Variants in FAM120B observed in about 807,000 individuals in gnomAD.
FAM120B encodes family with sequence similarity 120 member B, also known as constitutive coactivator of peroxisome proliferator-activated receptor gamma.
FAM120B carries 83 observed loss-of-function variants against 96.3 expected under a neutral mutation model. The ratio of observed to expected loss-of-function variants is 0.86; its 90% CI spans 0.72 to 1.03. The LOEUF is 1.03. FAM120B is among the 50% of genes least tolerant of loss of function. The pLI is 0.00. For missense variants in FAM120B, 1,027 were observed against 1,121.2 expected (o/e 0.92, Z 1.20); for synonymous variants, 407 against 402.7 (o/e 1.01, Z -0.13).
At chr6:170,291,520 C>T (rs1186347906), upstream of FAM120B, among the ~76,000 whole-genome samples, 2 of 151,816 alleles carry the variant, frequency 1.3e-5, no homozygotes, top group African/African-American at 4.8e-5. Context: ...GGAGGAGTCT[C>T]TTGGGGGCGG....
intron 4 of FAM120B, chr6:170,330,845 G>A: frequency 2.8e-6 from 1 of 353,638 alleles, no homozygotes; most frequent in Non-Finnish European, 5.2e-6. Context: ...GGATGGCCGT[G>A]GTCAGCGCAT....
chr6:170,380,041 G>A (rs950271351), intron 6 of FAM120B, among the ~76,000 whole-genome samples: 3 of 152,130 alleles, frequency 2.0e-5, no homozygotes, highest in Non-Finnish European at 2.9e-5. Flanking sequence ...CCGTTCTGCC[G>A]TCTGTTTATA....
chr6:170,335,499 T>C (rs781268095), intron 4 of FAM120B, among the ~76,000 whole-genome samples: 18 of 152,170 alleles, frequency 1.2e-4, no homozygotes, highest in Non-Finnish European at 2.4e-4. Context: ...CTATTGTAAA[T>C]AGTACTGCAG....
intron 1 of FAM120B, among the ~76,000 whole-genome samples, chr6:170,298,814 C>T (rs573819636): frequency 5.9e-5 from 9 of 152,328 alleles, no homozygotes; most frequent in African/African-American, 2.2e-4. Context: ...AGTACCACCA[C>T]CTGCCAGCTG....
chr6:170,320,732 T>C (rs1785231999), intron 2 of FAM120B, among the ~76,000 whole-genome samples: 1 of 152,200 alleles, frequency 6.6e-6, no homozygotes, highest in East Asian at 1.9e-4. Context: ...GGAGTTATCC[T>C]ATTTTATGTG....
intron 6 of FAM120B, among the ~76,000 whole-genome samples, chr6:170,381,230 C>T (rs1789882341): frequency 6.6e-6 from 1 of 152,102 alleles, no homozygotes; most frequent in Non-Finnish European, 1.5e-5. Flanking sequence ...ATAGACCCTT[C>T]TAAGAAGAAA....
At chr6:170,327,951 A>T (rs1223573901) in intron 3 of FAM120B, among the ~76,000 whole-genome samples, 1 of 152,220 alleles carries the variant, frequency 6.6e-6, no homozygotes, top group Non-Finnish European at 1.5e-5. Flanking sequence ...GCGAGTGGGA[A>T]GTGAATGGGA....
intron 3 of FAM120B, among the ~76,000 whole-genome samples, chr6:170,324,371 T>C (rs993768731): frequency 2.6e-4 from 39 of 152,220 alleles, no homozygotes; most frequent in African/African-American, 7.2e-4. Flanking sequence ...GAAAGATGTT[T>C]AAGCTGATTT....
At chr6:170,341,151 T>G (rs1177573133) in intron 4 of FAM120B, among the ~76,000 whole-genome samples, 1 of 152,136 alleles carries the variant, frequency 6.6e-6, no homozygotes, top group African/African-American at 2.4e-5. Flanking sequence ...GATGGGAGTT[T>G]TATCTATAAG....
At chr6:170,366,767 G>A (rs1269666956) in intron 6 of FAM120B, among the ~76,000 whole-genome samples, 3 of 152,184 alleles carry the variant, frequency 2.0e-5, no homozygotes, top group Admixed American at 6.5e-5. Context: ...GTACTTTGTC[G>A]GCATGAGTAC....
At chr6:170,377,028 CGGTGCTGTGCACACGCG>C in intron 6 of FAM120B, among the ~76,000 whole-genome samples, 1 of 142,786 alleles carries the variant, frequency 7.0e-6, no homozygotes, top group African/African-American at 2.7e-5. Flanking sequence ...TCACGCTGCT[CGGTGCTGTGCACACGCG>C]TCCCTAAACC....
intron 8 of FAM120B, among the ~76,000 whole-genome samples, chr6:170,394,318 T>C (rs1790614063): frequency 6.6e-6 from 1 of 152,174 alleles, no homozygotes; most frequent in Admixed American, 6.5e-5. Flanking sequence ...GGGGAGGTTT[T>C]GAAGTTTTTT....
Position 170,391,046 on chromosome 6 carries a change from G to T in FAM120B, c.2524G>T (p.Ala842Ser). The T allele has an allele frequency of 1.9e-6, 3 of 1,614,166 alleles. No homozygotes were observed. Among genetic ancestry groups the T allele is most frequent in the South Asian group, 2.2e-5 (2 of 91,078 alleles). ...SRLTKFHNLKAVVCKACMKEN... is the reference protein window; with the variant it reads ...SRLTKFHNLKSVVCKACMKEN... ...GCTCACCAAATTCCACAACCTGAAG[G>T]CAGTCGTCTGCAAGGCCTGCATGAA... Residue 842 changes from alanine to serine, a missense_variant, in exon 8 of 11, where the codon GCA becomes TCA. Coordinates refer to ENST00000476287, the MANE Select transcript of FAM120B (RefSeq NM_032448.3).
intron 5 of FAM120B, among the ~76,000 whole-genome samples, chr6:170,349,980 T>A (rs1385745968): frequency 6.6e-6 from 1 of 152,156 alleles, no homozygotes; most frequent in Non-Finnish European, 1.5e-5. Context: ...TGGGAAACCA[T>A]GCTTCTCCCA....
chr6:170,296,653 C>A (rs1784017928), intron 1 of FAM120B, among the ~76,000 whole-genome samples: 1 of 151,882 alleles, frequency 6.6e-6, no homozygotes, highest in Non-Finnish European at 1.5e-5. Flanking sequence ...GGGGCCGGGG[C>A]GCGCCCTTTG....
chr6:170,362,621 A>G (rs1173513762), intron 6 of FAM120B, among the ~76,000 whole-genome samples: 1 of 152,008 alleles, frequency 6.6e-6, no homozygotes, highest in East Asian at 1.9e-4. Context: ...GTGTGTGCTC[A>G]GAAGTCATTT....
chr6:170,355,811 T>G (rs1290026854), intron 5 of FAM120B, among the ~76,000 whole-genome samples: 2 of 152,222 alleles, frequency 1.3e-5, no homozygotes, highest in East Asian at 3.8e-4. Flanking sequence ...ATATTTTCTA[T>G]TTTCTAATAA....
intron 3 of FAM120B, 85 bp downstream of exon 3, chr6:170,323,344 T>C: frequency 9.0e-7 from 1 of 1,116,052 alleles, no homozygotes; most frequent in Non-Finnish European, 1.3e-6. Context: ...GAGTGCATTC[T>C]TTCAAGACAT....
At chr6:170,329,362 C>A (rs1457342601) in intron 3 of FAM120B, among the ~76,000 whole-genome samples, 2 of 152,188 alleles carry the variant, frequency 1.3e-5, no homozygotes, top group African/African-American at 2.4e-5. Flanking sequence ...TCTGGCACTG[C>A]CCATTGTCCG....
Sources: allele counts gnomAD v4.1 joint callset (sites outside exome capture counted in the v4.1 genomes callset), GRCh38; gene constraint gnomAD v4.1.1; transcripts MANE v1.5; gene names NCBI Gene and HGNC (gene_info 2026-07-23, HGNC 2026-07-21).